Variants in TIAM1 observed in about 807,000 individuals in gnomAD.
The protein encoded by TIAM1 is rho guanine nucleotide exchange factor TIAM1.
Under a neutral mutation model 163.5 loss-of-function variants are expected in TIAM1, and 65 were observed. That is an observed-to-expected ratio of 0.40 (90% CI 0.33 to 0.49). The LOEUF is 0.49. Ranked by LOEUF, TIAM1 falls within the 20% of genes least tolerant of loss-of-function variation. TIAM1 has a pLI of 0.77. For missense variants in TIAM1, 1,789 were observed against 2,044.7 expected (o/e 0.87, Z 2.41); for synonymous variants, 833 against 810.1 (o/e 1.03, Z -0.48).
chr21:31,293,293 C>A (rs1465916017), intron 2 of TIAM1, among the ~76,000 whole-genome samples: 1 of 152,140 alleles, frequency 6.6e-6, no homozygotes, highest in African/African-American at 2.4e-5. Context: ...GTCTTAAGAT[C>A]TTTGACTGAT....
intron 2 of TIAM1, among the ~76,000 whole-genome samples, chr21:31,412,671 A>G (rs1462958251): frequency 6.6e-6 from 1 of 151,218 alleles, no homozygotes; most frequent in East Asian, 2.0e-4. Flanking sequence ...AATCCCAGCT[A>G]CTTGGGAGGC....
intron 1 of TIAM1, among the ~76,000 whole-genome samples, chr21:31,552,333 TTA>T (rs543009270): frequency 1.8e-4 from 28 of 152,144 alleles, no homozygotes; most frequent in Admixed American, 3.3e-4. Context: ...AAAATATAAT[TTA>T]TGTCAGAAAA....
At chr21:31,301,945 T>C (rs189928663) in intron 2 of TIAM1, among the ~76,000 whole-genome samples, 3 of 147,630 alleles carry the variant, frequency 2.0e-5, no homozygotes, top group East Asian at 5.6e-4. Flanking sequence ...ATGTAACATA[T>C]ATAAAATGTG....
chr21:31,475,731 C>T (rs1190068677), intron 1 of TIAM1, among the ~76,000 whole-genome samples: 1 of 152,206 alleles, frequency 6.6e-6, no homozygotes, highest in Non-Finnish European at 1.5e-5. Context: ...CAGCCATTTT[C>T]CACCCATGGC....
intron 6 of TIAM1, among the ~76,000 whole-genome samples, chr21:31,231,813 C>T (rs969662011): frequency 1.3e-5 from 2 of 152,094 alleles, no homozygotes; most frequent in Middle Eastern, 6.8e-3. Flanking sequence ...GCCAGGAGTT[C>T]GAGACCAGCC....
At chr21:31,360,422 G>C (rs1042687426) in intron 2 of TIAM1, among the ~76,000 whole-genome samples, 1 of 151,798 alleles carries the variant, frequency 6.6e-6, no homozygotes, top group Non-Finnish European at 1.5e-5. Flanking sequence ...TAATGTCCTT[G>C]TATTATCTAG....
At chr21:31,129,840 G>A (rs1176062400) in intron 25 of TIAM1, among the ~76,000 whole-genome samples, 1 of 152,182 alleles carries the variant, frequency 6.6e-6, no homozygotes, top group Non-Finnish European at 1.5e-5. Flanking sequence ...AGTAGTTTAT[G>A]TGGGCTTTGT....
Position 31,124,625 on chromosome 21 carries a change from C to T in TIAM1, c.4203G>A (p.Gln1401=). The T allele has an allele frequency of 6.2e-7, 1 of 1,613,692 alleles. No individual in the cohort carries two copies. The highest frequency in any genetic ancestry group is 8.5e-7 in the Non-Finnish European group (1 of 1,179,784). Reference sequence around the variant, plus strand: ...AGGGAAGGCTCTCGGTTTTGAGGAGCTGTCTTCTGTGCTTATCACGCAGGA... The same window carrying T: ...AGGGAAGGCTCTCGGTTTTGAGGAGTTGTCTTCTGTGCTTATCACGCAGGA... The part of the protein sequence containing the change: ...HSILRDKHRR[Q]LLKTESLPSS... Residue 1401 remains glutamine (Q), a synonymous_variant, in exon 27 of 28, where the codon CAG becomes CAA. Transcript: ENST00000541036.
At chr21:31,409,531 G>A (rs747408227) in intron 2 of TIAM1, among the ~76,000 whole-genome samples, 5 of 152,144 alleles carry the variant, frequency 3.3e-5, no homozygotes, top group African/African-American at 9.6e-5. Context: ...CAGTCACTCC[G>A]CACACCGACT....
At chr21:31,134,577 C>A (rs932543862) in intron 23 of TIAM1, among the ~76,000 whole-genome samples, 31 of 152,218 alleles carry the variant, frequency 2.0e-4, no homozygotes, top group African/African-American at 7.2e-4. Flanking sequence ...GTGGAACGAT[C>A]TCAGCTCACT....
At chr21:31,160,199 A>G (rs2083842856) in intron 16 of TIAM1, among the ~76,000 whole-genome samples, 1 of 152,224 alleles carries the variant, frequency 6.6e-6, no homozygotes, top group Admixed American at 6.5e-5. Flanking sequence ...TTAAGTATAA[A>G]AGAGTAGAAA....
chr21:31,150,074 A>G (rs2083307373), intron 19 of TIAM1, among the ~76,000 whole-genome samples: 1 of 152,190 alleles, frequency 6.6e-6, no homozygotes, highest in Non-Finnish European at 1.5e-5. Context: ...GAATAAAGCA[A>G]ATGTAGCCCA....
intron 2 of TIAM1, among the ~76,000 whole-genome samples, chr21:31,379,508 A>G (rs1268308926): frequency 6.6e-6 from 1 of 152,092 alleles, no homozygotes; most frequent in African/African-American, 2.4e-5. Flanking sequence ...AATGGATAAT[A>G]GAAGACCCAG....
chr21:31,506,443 A>T (rs1385246383), intron 1 of TIAM1, among the ~76,000 whole-genome samples: 1 of 152,136 alleles, frequency 6.6e-6, no homozygotes, highest in Non-Finnish European at 1.5e-5. Context: ...CCATCTTCCG[A>T]ACTCTTTCCA....
intron 2 of TIAM1, among the ~76,000 whole-genome samples, chr21:31,336,307 C>T (rs905939441): frequency 6.6e-6 from 1 of 152,120 alleles, no homozygotes; most frequent in Non-Finnish European, 1.5e-5. Flanking sequence ...GGGGGAGAAT[C>T]CACATTATTC....
intron 20 of TIAM1, among the ~76,000 whole-genome samples, chr21:31,144,439 C>G (rs746869417): frequency 2.6e-5 from 4 of 152,252 alleles, no homozygotes; most frequent in Non-Finnish European, 5.9e-5. Flanking sequence ...AGGAGCGTCA[C>G]TCCTCCAGGC....
chr21:31,442,887 C>A (rs1329794885), intron 2 of TIAM1, among the ~76,000 whole-genome samples: 2 of 152,204 alleles, frequency 1.3e-5, no homozygotes, highest in African/African-American at 2.4e-5. Context: ...AGACCATGCA[C>A]CAGGTCACAT....
intron 2 of TIAM1, among the ~76,000 whole-genome samples, chr21:31,375,738 T>C (rs2076672282): frequency 6.6e-6 from 1 of 151,640 alleles, no homozygotes; most frequent in Non-Finnish European, 1.5e-5. Context: ...TTATTAAGAG[T>C]AGAAAAAAGG....
At chr21:31,527,676 C>T (rs2047832291) in intron 1 of TIAM1, among the ~76,000 whole-genome samples, 1 of 152,072 alleles carries the variant, frequency 6.6e-6, no homozygotes, top group Non-Finnish European at 1.5e-5. Flanking sequence ...CATCTATCAG[C>T]CACCTGCCCC....
Sources: allele counts gnomAD v4.1 joint callset (sites outside exome capture counted in the v4.1 genomes callset), GRCh38; gene constraint gnomAD v4.1.1; transcripts MANE v1.5; gene names NCBI Gene and HGNC (gene_info 2026-07-23, HGNC 2026-07-21).